The following GRIK2 variants were observed in gnomAD, a reference collection of about 807,000 sequenced individuals.
GRIK2 encodes the protein glutamate ionotropic receptor kainate type subunit 2.
In GRIK2, 32 loss-of-function variants were observed where a neutral mutation model predicts 100.3. The observed-to-expected ratio is 0.32, with a 90% CI of 0.24 to 0.43. The LOEUF (loss-of-function observed/expected upper bound fraction) is 0.43. GRIK2 is among the 20% of genes least tolerant of loss of function. GRIK2 has a pLI of 1.00. For missense variants in GRIK2, 843 were observed against 1,114.9 expected, an observed-to-expected ratio of 0.76 and a Z score of 3.47; for synonymous variants, 417 against 389.4, an observed-to-expected ratio of 1.07 and a Z score of -0.83.
At chr6:101,889,449 G>T (rs1321493735) in intron 11 of GRIK2, among the ~76,000 whole-genome samples, 191 bp from the exon 12 acceptor site, 3 of 151,570 alleles carry the variant, frequency 2.0e-5, no homozygotes, top group African/African-American at 7.3e-5. Flanking sequence ...AATGATTAGT[G>T]CAATAAATCA....
intron 12 of GRIK2, among the ~76,000 whole-genome samples, chr6:101,916,407 A>C (rs1173651818): frequency 6.8e-6 from 1 of 147,926 alleles, no homozygotes; most frequent in Non-Finnish European, 1.5e-5. Context: ...GAAGGATATA[A>C]ATATGTTAAA....
intron 2 of GRIK2, among the ~76,000 whole-genome samples, chr6:101,416,999 A>C (rs759303964): frequency 6.6e-6 from 1 of 152,176 alleles, no homozygotes; most frequent in African/African-American, 2.4e-5. Context: ...TCATGCTGCT[A>C]ATAAAGACAT....
intron 2 of GRIK2, among the ~76,000 whole-genome samples, chr6:101,407,051 A>G (rs1328898920): frequency 6.6e-6 from 1 of 152,154 alleles, no homozygotes; most frequent in Non-Finnish European, 1.5e-5. Context: ...AACATGATCA[A>G]ATAAACAAAA....
intron 4 of GRIK2, among the ~76,000 whole-genome samples, chr6:101,667,972 G>T (rs1377210486): frequency 1.3e-5 from 2 of 151,982 alleles, no homozygotes; most frequent in African/African-American, 2.4e-5. Context: ...TTGCCACTTG[G>T]TTTATAATGT....
chr6:101,396,760 A>G (rs1456759908), intron 1 of GRIK2, among the ~76,000 whole-genome samples: 1 of 152,170 alleles, frequency 6.6e-6, no homozygotes, highest in Non-Finnish European at 1.5e-5. Context: ...CGTGGTCCTG[A>G]AGAAAGGTCG....
At position 101,501,113 on chromosome 6, in the gene GRIK2, A is replaced by C. The variant is rs1482537973; in HGVS notation, c.115+101721A>C. ...AGCTTGAGAACCAAATCCCTTGACA[A>C]GCATATAAGAACCATCTACAACAAA... On this transcript the variant is annotated intron_variant, in intron 2 of 16. Coordinates refer to ENST00000369134, the MANE Select transcript of GRIK2 (RefSeq NM_021956.5). 3.3e-5 allele frequency among the ~76,000 whole-genome samples: 5 copies of C among 152,120 alleles called. No homozygotes were observed. In the South Asian group the frequency reaches 6.2e-4, roughly 19 times the overall value.
At chr6:101,862,031 C>T (rs941954490) in intron 11 of GRIK2, among the ~76,000 whole-genome samples, 16 of 152,214 alleles carry the variant, frequency 1.1e-4, no homozygotes, top group East Asian at 7.7e-4. Context: ...ATGATTACAA[C>T]GGAACAGAAA....
At chr6:101,915,400 A>G (rs934644690) in intron 12 of GRIK2, among the ~76,000 whole-genome samples, 2 of 151,448 alleles carry the variant, frequency 1.3e-5, no homozygotes, top group African/African-American at 4.8e-5. Flanking sequence ...TTAAAAAAAC[A>G]AGCAAACAAA....
chr6:102,044,260 A>C (rs184012069), intron 15 of GRIK2, among the ~76,000 whole-genome samples: 1 of 152,174 alleles, frequency 6.6e-6, no homozygotes, highest in East Asian at 1.9e-4. Context: ...TATCTGTTCA[A>C]TCAGTACCTT....
intron 5 of GRIK2, among the ~76,000 whole-genome samples, chr6:101,679,089 A>G (rs1341284594): frequency 2.0e-5 from 3 of 152,206 alleles, no homozygotes; most frequent in African/African-American, 7.2e-5. Flanking sequence ...AAACCTCACA[A>G]GGACATTCTA....
At chr6:101,849,498 C>G (rs917425997) in intron 10 of GRIK2, among the ~76,000 whole-genome samples, 2 of 151,946 alleles carry the variant, frequency 1.3e-5, no homozygotes, top group Non-Finnish European at 2.9e-5. Context: ...ATAATTGTTC[C>G]ACTATTTCTG....
chr6:101,521,635 A>C (rs1020240674), intron 2 of GRIK2, among the ~76,000 whole-genome samples: 1 of 151,882 alleles, frequency 6.6e-6, no homozygotes, highest in African/African-American at 2.4e-5. Flanking sequence ...TTTTAATAAT[A>C]ATATGAAATA....
At chr6:101,517,432 A>G (rs1482764903) in intron 2 of GRIK2, among the ~76,000 whole-genome samples, 8 of 152,204 alleles carry the variant, frequency 5.3e-5, no homozygotes, top group Admixed American at 5.2e-4. Flanking sequence ...CGTAGACTAT[A>G]GAGACATCTG....
chr6:101,967,075 G>T lies in GRIK2; in HGVS notation c.2085+38443G>T, dbSNP rs908492068. On this transcript the variant is annotated intron_variant, in intron 14 of 16. Coordinates refer to ENST00000369134, the MANE Select transcript of GRIK2 (RefSeq NM_021956.5). ...TATAGTTGAAATAAAAAGATTGAGA[G>T]AATTATGATTCAACTTCTTTAAAAT... Among the ~76,000 whole-genome samples, 8 of 151,778 alleles carry T rather than the reference G, an allele frequency of 5.3e-5. No individual in the cohort carries two copies. In the East Asian group the frequency reaches 1.2e-3, roughly 22 times the overall value.
At position 101,532,672 on chromosome 6, in the gene GRIK2, G is replaced by A. The variant is rs916191385; in HGVS notation, c.116-89277G>A. 2.6e-5 allele frequency among the ~76,000 whole-genome samples: 4 copies of A among 150,958 alleles called. No individual in the cohort carries two copies. The Admixed American group carries it at 2.7e-4, about 10-fold the overall frequency. ...TTTTAGTAAATGTGGTAAAATATAT[G>A]TTATGATGGAATACATACACACACA... On this transcript the variant is annotated intron_variant, in intron 2 of 16. Transcript: ENST00000369134.
chr6:101,686,895 G>A (rs980183075), intron 7 of GRIK2, among the ~76,000 whole-genome samples: 1 of 151,726 alleles, frequency 6.6e-6, no homozygotes, highest in Non-Finnish European at 1.5e-5. Flanking sequence ...ATGAAAGAAG[G>A]GTATATTCTT....
intron 12 of GRIK2, among the ~76,000 whole-genome samples, chr6:101,905,614 T>C (rs1788165505): frequency 6.6e-6 from 1 of 151,590 alleles, no homozygotes; most frequent in African/African-American, 2.4e-5. Flanking sequence ...TATTCCATCC[T>C]AAACATTAAT....
intron 11 of GRIK2, among the ~76,000 whole-genome samples, chr6:101,879,489 A>G (rs1368982438): frequency 6.6e-6 from 1 of 151,960 alleles, no homozygotes; most frequent in Admixed American, 6.6e-5. Flanking sequence ...ATTTGAATTC[A>G]GTGTCCTTAC....
rs373891535 is a variant in GRIK2 at position 101,900,813 on chromosome 6, G to A, written c.1748+10950G>A. Among the ~76,000 whole-genome samples, 34 of 151,616 alleles carry A rather than the reference G, an allele frequency of 2.2e-4. 1 individual carries two copies. The South Asian group carries it at 6.7e-3, about 30-fold the overall frequency. On this transcript the variant is annotated intron_variant, in intron 12 of 16. Coordinates refer to ENST00000369134, the MANE Select transcript of GRIK2 (RefSeq NM_021956.5). ...GTGTCATCCAGATAATTGCATATTAGTTAATTCAATTTAAATGGCCAGATG... is the reference window on the plus strand; with the variant it reads ...GTGTCATCCAGATAATTGCATATTAATTAATTCAATTTAAATGGCCAGATG...
Sources: gnomAD v4.1 joint callset for allele counts (sites outside exome capture counted in the v4.1 genomes callset) on GRCh38, gnomAD v4.1.1 for gene constraint, MANE v1.5 for transcripts, NCBI Gene and HGNC (gene_info 2026-07-23, HGNC 2026-07-21) for gene names.